MAPKAP1: variants seen among roughly 807,000 people sequenced by gnomAD.
The protein encoded by MAPKAP1 is MAPK associated protein 1.
A neutral mutation model predicts 65.7 loss-of-function variants in MAPKAP1; 20 were observed. That is an observed-to-expected ratio of 0.30 (90% CI 0.21 to 0.44). The LOEUF is 0.44. Among genes scored for constraint, MAPKAP1 ranks in the 20% least tolerant of loss-of-function variants. MAPKAP1 has a pLI of 1.00. For synonymous variants in MAPKAP1, 222 were observed against 244.3 expected, an observed-to-expected ratio of 0.91 and a Z score of 0.85; for missense variants, 423 against 648.0, an observed-to-expected ratio of 0.65 and a Z score of 3.77.
At position 125,698,294 on chromosome 9, in the gene MAPKAP1, T is replaced by TAA. The variant is rs1381833972; in HGVS notation, c.-70+8676_-70+8677insTT. 5.7e-3 allele frequency among the ~76,000 whole-genome samples: 36 copies of TAA among 6,326 alleles called. 1 individual carries two copies. The highest frequency in any genetic ancestry group is 9.5e-3 in the Non-Finnish European group (29 of 3,048). 4.2% of individuals were successfully genotyped at this position (6,326 alleles called of 152,430 possible). A position where few individuals can be genotyped will look rare whatever the true frequency, so the allele number is the denominator to read the frequency against. On this transcript the variant is annotated intron_variant, in intron 1 of 11. Coordinates refer to ENST00000265960, the MANE Select transcript of MAPKAP1 (RefSeq NM_001006617.3). ...ATAATACATAATATATATAAATATA[T>TAA]ATATATATATATATATATATATATA... is the stretch of plus-strand genomic sequence containing the variant.
chr9:125,479,111 G>A (rs1265488819), intron 9 of MAPKAP1, among the ~76,000 whole-genome samples: 1 of 152,182 alleles, frequency 6.6e-6, no homozygotes, highest in African/African-American at 2.4e-5. Flanking sequence ...TATCTAATAA[G>A]AGTGCTTCGA....
intron 6 of MAPKAP1, among the ~76,000 whole-genome samples, chr9:125,555,788 G>C (rs966234124): frequency 6.6e-5 from 10 of 152,208 alleles, no homozygotes; most frequent in Admixed American, 4.6e-4. Context: ...GGACTCATTT[G>C]AAAGTATGTA....
At chr9:125,684,527 G>A (rs1309310518) in intron 1 of MAPKAP1, among the ~76,000 whole-genome samples, 1 of 152,108 alleles carries the variant, frequency 6.6e-6, no homozygotes, top group African/African-American at 2.4e-5. Context: ...TGTTTATACT[G>A]AAACTAAACT....
rs536523306 is a variant in MAPKAP1, at chr9:125,585,025, G to A, written c.671+530C>T. 2.0e-5 allele frequency among the ~76,000 whole-genome samples: 3 copies of A among 152,270 alleles called. No homozygotes were observed. The South Asian group carries it at 6.2e-4, about 32-fold the overall frequency. Reference sequence around the variant, plus strand: ...ATTCGGACCAAAGGTTCTATAGAAGGCAGAAGGAAATAATGCAAAAACCTT... The same window carrying A: ...ATTCGGACCAAAGGTTCTATAGAAGACAGAAGGAAATAATGCAAAAACCTT... On this transcript the variant is annotated intron_variant, in intron 5 of 11. Coordinates refer to ENST00000265960, the MANE Select transcript of MAPKAP1 (RefSeq NM_001006617.3).
chr9:125,572,044 T>G (rs1453582293), intron 5 of MAPKAP1, among the ~76,000 whole-genome samples: 2 of 152,242 alleles, frequency 1.3e-5, no homozygotes, highest in African/African-American at 2.4e-5. Context: ...AAACTATTTG[T>G]GAGCATTCTT....
intron 1 of MAPKAP1, among the ~76,000 whole-genome samples, chr9:125,693,876 T>C (rs868635040): frequency 0.016 from 1,627 of 103,378 alleles, 47 homozygotes; most frequent in African/African-American, 0.048. Flanking sequence ...CACACACATA[T>C]ATATATAGTT....
chr9:125,546,588 T>C lies in MAPKAP1; in HGVS notation c.849-3420A>G, dbSNP rs938881235. Among the ~76,000 whole-genome samples, 2 of 152,168 alleles carry C rather than the reference T, an allele frequency of 1.3e-5. 1 individual carries two copies. Among genetic ancestry groups the C allele is most frequent in the South Asian group, 4.1e-4 (2 of 4,824 alleles). The stretch of plus-strand genomic sequence containing the variant: ...CAAACATTCTGGGTTTTATGCCTCA[T>C]TTCTTTATATCCAGGATTTTTTATG... On this transcript the variant is annotated intron_variant, in intron 6 of 11. Coordinates refer to ENST00000265960, the MANE Select transcript of MAPKAP1 (RefSeq NM_001006617.3).
chr9:125,583,715 C>A (rs4838274), intron 5 of MAPKAP1, among the ~76,000 whole-genome samples: 42,064 of 152,174 alleles, frequency 0.28, 6,656 homozygotes, highest in Non-Finnish European at 0.36. Flanking sequence ...TTACTAGTAA[C>A]CCTGGGCAAG....
chr9:125,604,754 C>A (rs569388137), intron 4 of MAPKAP1, among the ~76,000 whole-genome samples: 1 of 152,322 alleles, frequency 6.6e-6, no homozygotes, highest in South Asian at 2.1e-4. Flanking sequence ...CTTGTGTGTA[C>A]TGAAAATCAA....
chr9:125,487,605 T>C (rs1176884847), intron 8 of MAPKAP1, among the ~76,000 whole-genome samples: 2 of 132,214 alleles, frequency 1.5e-5, no homozygotes, highest in Non-Finnish European at 3.2e-5. Flanking sequence ...TATGCTAAAA[T>C]GCCAATTACT....
chr9:125,693,688 T>TATATATACACGTATATATACAC lies in MAPKAP1; in HGVS notation c.-70+13261_-70+13282dup, dbSNP rs1564620189. On this transcript the variant is annotated intron_variant, in intron 1 of 11. Transcript: ENST00000265960. ...ACACATATACACGTATATATACACG[T>TATATATACACGTATATATACAC]ATATATACACGTATATATACACATA... 9.1e-5 allele frequency among the ~76,000 whole-genome samples: 12 copies of TATATATACACGTATATATACAC among 132,224 alleles called. No individual in the cohort carries two copies. In the East Asian group the frequency reaches 2.0e-3, roughly 22 times the overall value. The allele number at this position is 132,224 out of a possible 152,430, so 86.7% of individuals were successfully genotyped here.
intron 3 of MAPKAP1, among the ~76,000 whole-genome samples, chr9:125,667,877 AATAAG>A (rs1298733692): frequency 1.6e-4 from 25 of 152,308 alleles, no homozygotes; most frequent in African/African-American, 3.6e-4. Flanking sequence ...GAAAAAAGTG[AATAAG>A]ATAAGTGATA....
chr9:125,650,413 G>A (rs1009990796), intron 4 of MAPKAP1: 6 of 152,158 alleles, frequency 3.9e-5, no homozygotes, highest in African/African-American at 1.4e-4. Flanking sequence ...CTTCACCCTA[G>A]GGCTCCAGTC....
chr9:125,696,925 C>T (rs1835404061), intron 1 of MAPKAP1, among the ~76,000 whole-genome samples: 1 of 152,128 alleles, frequency 6.6e-6, no homozygotes, highest in Non-Finnish European at 1.5e-5. Context: ...CGTAAGCATT[C>T]AACTCACTAT....
At chr9:125,657,225 T>C (rs1474727811) in intron 4 of MAPKAP1, among the ~76,000 whole-genome samples, 2 of 152,178 alleles carry the variant, frequency 1.3e-5, no homozygotes, top group African/African-American at 2.4e-5. Context: ...TTCTCAAGTA[T>C]ACTTAGGAGA....
At chr9:125,551,648 A>G (rs972556381) in intron 6 of MAPKAP1, among the ~76,000 whole-genome samples, 1 of 150,542 alleles carries the variant, frequency 6.6e-6, no homozygotes, top group African/African-American at 2.4e-5. Flanking sequence ...ATTGGCCTTG[A>G]CTTTTTTTTT....
At chr9:125,651,405 G>A (rs960374448) in intron 4 of MAPKAP1, among the ~76,000 whole-genome samples, 2 of 152,092 alleles carry the variant, frequency 1.3e-5, no homozygotes, top group Non-Finnish European at 2.9e-5. Flanking sequence ...AGGAGTTTGA[G>A]ACGAGCCTGG....
intron 4 of MAPKAP1, among the ~76,000 whole-genome samples, chr9:125,624,644 C>G (rs1833039502): frequency 1.4e-5 from 1 of 70,968 alleles, no homozygotes. Context: ...CCCGGCCAGC[C>G]GCCCCGTCCG....
chr9:125,587,266 T>G (rs1162892212), intron 4 of MAPKAP1, among the ~76,000 whole-genome samples: 1 of 152,148 alleles, frequency 6.6e-6, no homozygotes, highest in East Asian at 1.9e-4. Context: ...TCATTAAAAT[T>G]AAAAACTTTT....
Sources: gnomAD v4.1 joint callset for allele counts (sites outside exome capture counted in the v4.1 genomes callset) on GRCh38, gnomAD v4.1.1 for gene constraint, MANE v1.5 for transcripts, NCBI Gene and HGNC (gene_info 2026-07-23, HGNC 2026-07-21) for gene names.